SLC25A25: variants seen among roughly 807,000 people sequenced by gnomAD.
SLC25A25 encodes the protein mitochondrial adenyl nucleotide antiporter SLC25A25.
SLC25A25 carries 32 observed loss-of-function variants against 57.7 expected under a neutral mutation model. The observed-to-expected ratio is 0.55, with a 90% CI of 0.42 to 0.74. The LOEUF (loss-of-function observed/expected upper bound fraction) is 0.74, where lower values mean the gene tolerates loss of function less well. Among genes scored for constraint, SLC25A25 ranks in the 30% least tolerant of loss-of-function variants. The pLI is 0.00. For synonymous variants in SLC25A25, 306 were observed against 291.2 expected (o/e 1.05, Z -0.52); for missense variants, 556 against 701.3 (o/e 0.79, Z 2.34).
Position 128,107,245 on chromosome 9 carries a change from G to C in SLC25A25, c.1364-15G>C, listed in dbSNP as rs1247987513. 3.1e-6 allele frequency: 5 copies of C among 1,609,264 alleles called. No individual in the cohort carries two copies. Among genetic ancestry groups the C allele is most frequent in the Non-Finnish European group, 4.2e-6 (5 of 1,176,932 alleles). On this transcript the variant is annotated splice_polypyrimidine_tract_variant and intron_variant, in intron 10 of 10. Transcript: ENST00000373069. ...AGCGGACAGAAGCATCTGACTGGTG[G>C]CCTCCATCCTGCAGCCTCTATTGAG...
Position 128,107,165 on chromosome 9 carries a change from G to A in SLC25A25, c.1349G>A (p.Arg450Gln), listed in dbSNP as rs762271253. 6 of 1,613,772 alleles carry A rather than the reference G, an allele frequency of 3.7e-6. No homozygotes were observed. Among genetic ancestry groups the A allele is most frequent in the East Asian group, 2.2e-5 (1 of 44,882 alleles). ...ASYPLALVRTRMQAQASIEGA... is the reference protein window; with the variant it reads ...ASYPLALVRTQMQAQASIEGA... ...TACCCCCTGGCCCTAGTCAGGACCCGGATGCAGGCGCAAGGTAAGGCTGGC... is the reference window on the plus strand; with the variant it reads ...TACCCCCTGGCCCTAGTCAGGACCCAGATGCAGGCGCAAGGTAAGGCTGGC... Residue 450 changes from arginine to glutamine, a missense_variant, in exon 10 of 11, where the codon CGG becomes CAG. Around this residue, in one of 3 missense-constraint regions of SLC25A25, gnomAD observed 294 missense variants for 389.6 expected, o/e 0.75. Transcript: ENST00000373069.
In SLC25A25 at chr9:128,069,661, T is replaced by C. The variant is rs1040813820; in HGVS notation, c.261+1081T>C. 8.5e-5 allele frequency among the ~76,000 whole-genome samples: 13 copies of C among 152,328 alleles called. No individual in the cohort carries two copies. The East Asian group carries it at 2.5e-3, about 29-fold the overall frequency. ...TTCTTGGATCAACATCCAAGGTATT[T>C]AGCGCTAACTATTAGGATCAGCCTA... is the stretch of plus-strand genomic sequence containing the variant. On this transcript the variant is annotated intron_variant, in intron 1 of 10. Coordinates refer to ENST00000373069, the MANE Select transcript of SLC25A25 (RefSeq NM_001330988.2).
chr9:128,093,641 T>C (rs1313575090), intron 1 of SLC25A25, among the ~76,000 whole-genome samples: 2 of 152,224 alleles, frequency 1.3e-5, no homozygotes, highest in African/African-American at 4.8e-5. Context: ...GGGCAGCTGG[T>C]TGGGCTTGAA....
At chr9:128,098,632 G>A (rs886467375) in intron 1 of SLC25A25, 2 of 1,614,054 alleles carry the variant, frequency 1.2e-6, no homozygotes, top group East Asian at 2.2e-5. Flanking sequence ...AGTACTTTGA[G>A]TCGAAGGGGC....
chr9:128,100,004 T>C (rs906895082), intron 1 of SLC25A25, among the ~76,000 whole-genome samples: 1 of 152,212 alleles, frequency 6.6e-6, no homozygotes, highest in Admixed American at 6.5e-5. Flanking sequence ...CCCCATGTTC[T>C]GAAGGTTAGC....
chr9:128,082,871 C>A (rs62586932), intron 1 of SLC25A25, among the ~76,000 whole-genome samples: 112,368 of 151,398 alleles, frequency 0.74, 43,492 homozygotes, highest in Non-Finnish European at 0.85. Flanking sequence ...CACCCACCTC[C>A]GCCTCCAAAG....
chr9:128,069,468 G>A (rs1297789959), intron 1 of SLC25A25, among the ~76,000 whole-genome samples: 1 of 151,988 alleles, frequency 6.6e-6, no homozygotes, highest in Non-Finnish European at 1.5e-5. Flanking sequence ...GGACTCCTGA[G>A]TACTTTACCT....
chr9:128,107,016 C>T lies in SLC25A25; in HGVS notation c.1213-13C>T, dbSNP rs760905980. On this transcript the variant is annotated splice_polypyrimidine_tract_variant and intron_variant, in intron 9 of 10. Coordinates refer to ENST00000373069, the MANE Select transcript of SLC25A25 (RefSeq NM_001330988.2). The stretch of plus-strand genomic sequence containing the variant: ...CTTCCTAGGGCTTATCCCATGCTCC[C>T]TTCTCCTTCTAGACGCTCAAGAATG... The T allele has an allele frequency of 4.3e-6, 7 of 1,612,468 alleles. No individual in the cohort carries two copies. Among genetic ancestry groups the T allele is most frequent in the Admixed American group, 1.7e-5 (1 of 59,962 alleles).
At chr9:128,082,304 A>G (rs1165325388) in intron 1 of SLC25A25, among the ~76,000 whole-genome samples, 1 of 152,170 alleles carries the variant, frequency 6.6e-6, no homozygotes, top group Non-Finnish European at 1.5e-5. Flanking sequence ...CATCTGCCAT[A>G]CCTTAGTTTC....
intron 1 of SLC25A25, among the ~76,000 whole-genome samples, chr9:128,073,861 G>A (rs1832954826): frequency 6.6e-6 from 1 of 151,354 alleles, no homozygotes; most frequent in African/African-American, 2.4e-5. Context: ...AGCCTCTGGT[G>A]TAGCTGGGAT....
intron 1 of SLC25A25, among the ~76,000 whole-genome samples, chr9:128,081,797 T>A (rs1037467547): frequency 2.0e-5 from 3 of 151,980 alleles, no homozygotes; most frequent in Non-Finnish European, 4.4e-5. Context: ...CAGGCATGCC[T>A]GTGGTCCCAG....
intron 1 of SLC25A25, among the ~76,000 whole-genome samples, chr9:128,085,916 G>A (rs1330563143): frequency 6.6e-6 from 1 of 151,834 alleles, no homozygotes. Context: ...ATGTTGCCCA[G>A]GCTGGTCTTG....
At position 128,109,192 on chromosome 9, in the gene SLC25A25, A is replaced by G. The variant is rs1834174312; in HGVS notation, c.*1748A>G. 1 of 152,594 alleles carries G rather than the reference A, an allele frequency of 6.6e-6. No homozygotes were observed. The highest frequency in any genetic ancestry group is 1.5e-5 in the Non-Finnish European group (1 of 68,050). The allele number at this position is 152,594 out of a possible 1,614,324, so 9.5% of individuals were successfully genotyped here. On this transcript the variant is annotated 3_prime_UTR_variant, in exon 11 of 11. Coordinates refer to ENST00000373069, the MANE Select transcript of SLC25A25 (RefSeq NM_001330988.2). The stretch of plus-strand genomic sequence containing the variant: ...AAAAAGCAAATTAAGAAAGAATTGG[A>G]CGTTAGAAGTTGTCATTTAAAGCAG...
At position 128,068,273 on chromosome 9, in the gene SLC25A25, C is replaced by T. The variant is rs1832822513; in HGVS notation, c.-47C>T. 6 of 1,172,068 alleles carry T rather than the reference C, an allele frequency of 5.1e-6. No individual in the cohort carries two copies. Among genetic ancestry groups the T allele is most frequent in the Middle Eastern group, 3.2e-4 (1 of 3,102 alleles). The allele number at this position is 1,172,068 out of a possible 1,614,324, so 72.6% of individuals were successfully genotyped here. On this transcript the variant is annotated 5_prime_UTR_variant, in exon 1 of 11. Transcript: ENST00000373069. ...GCCTCCCGCGCGGTCACCGCCGGCCCGCCGCCCCCGCTCCCGCCCGCGCCC... is the reference window on the plus strand; with the variant it reads ...GCCTCCCGCGCGGTCACCGCCGGCCTGCCGCCCCCGCTCCCGCCCGCGCCC...
chr9:128,108,572 A>G lies in SLC25A25; in HGVS notation c.*1128A>G, dbSNP rs1834144833. On this transcript the variant is annotated 3_prime_UTR_variant, in exon 11 of 11. Coordinates refer to ENST00000373069, the MANE Select transcript of SLC25A25 (RefSeq NM_001330988.2). Reference sequence around the variant, plus strand: ...CTAACTATTTTTATAGATTTGTTTAATTAATAGCTTGTCATTTTCAAGTTC... The same window carrying G: ...CTAACTATTTTTATAGATTTGTTTAGTTAATAGCTTGTCATTTTCAAGTTC... 1 of 239,766 alleles carries G rather than the reference A, an allele frequency of 4.2e-6. No individual in the cohort carries two copies. 14.9% of individuals were successfully genotyped at this position (239,766 alleles called of 1,614,324 possible).
At chr9:128,104,794 T>C (rs1185137565) in intron 6 of SLC25A25, among the ~76,000 whole-genome samples, 1 of 151,202 alleles carries the variant, frequency 6.6e-6, no homozygotes, top group African/African-American at 2.4e-5. Flanking sequence ...TAATATGTCT[T>C]AAGTTTTTTT....
chr9:128,073,264 A>T (rs1832943739), intron 1 of SLC25A25, among the ~76,000 whole-genome samples: 1 of 152,108 alleles, frequency 6.6e-6, no homozygotes, highest in Non-Finnish European at 1.5e-5. Context: ...TCTTTTGGGG[A>T]AACTTGAGAA....
chr9:128,102,206 T>C lies in SLC25A25; in HGVS notation c.512+91T>C. The C allele has an allele frequency of 2.0e-6, 3 of 1,504,544 alleles. No individual in the cohort carries two copies. Among genetic ancestry groups the C allele is most frequent in the Non-Finnish European group, 2.7e-6 (3 of 1,104,858 alleles). The allele number at this position is 1,504,544 out of a possible 1,614,324, so 93.2% of individuals were successfully genotyped here. On this transcript the variant is annotated intron_variant, in intron 4 of 10. Transcript: ENST00000373069. The surrounding 1 kb of genome is among the most constrained non-coding windows in gnomAD (Gnocchi z 4.1). ...GTGGGCCATTATATTGCCATTGTTG[T>C]GCTAAGTGGGGTGTGGAGCCCCCTG... is the stretch of plus-strand genomic sequence containing the variant.
Position 128,101,154 on chromosome 9 carries a change from T to C in SLC25A25, c.320T>C (p.Val107Ala), listed in dbSNP as rs1222248405. 3.1e-6 allele frequency: 5 copies of C among 1,614,112 alleles called. No homozygotes were observed. Among genetic ancestry groups the C allele is most frequent in the Non-Finnish European group, 4.2e-6 (5 of 1,180,040 alleles). ...GGGCAGCTAGACTTTGAAGAATTTG[T>C]CCATTATCTCCAAGATCATGAGAAG... The part of the protein sequence containing the change: ...LDGQLDFEEF[V>A]HYLQDHEKKL... The change falls in exon 2 of 11, where the codon GTC becomes GCC. Residue 107 changes from valine to alanine, a missense_variant. Transcript: ENST00000373069. This position sits in a 1 kb window ranked among gnomAD's most constrained non-coding sequence, Gnocchi z 4.9.
Sources: allele counts gnomAD v4.1 joint callset (sites outside exome capture counted in the v4.1 genomes callset), GRCh38; gene constraint gnomAD v4.1.1; regional missense constraint gnomAD v4.1.1; non-coding constraint Gnocchi (gnomAD v3.1); transcripts MANE v1.5; gene names NCBI Gene and HGNC (gene_info 2026-07-23, HGNC 2026-07-21).